Variants in RAB23 observed in about 807,000 individuals in gnomAD.
RAB23 encodes the protein RAB23, member RAS oncogene family.
In RAB23, 15 loss-of-function variants were observed where a neutral mutation model predicts 30.0. The ratio of observed to expected loss-of-function variants is 0.50; its 90% CI spans 0.33 to 0.77. RAB23 has a LOEUF of 0.77. RAB23 is among the 30% of genes least tolerant of loss of function. RAB23 has a pLI of 0.02. For synonymous variants in RAB23, 93 were observed against 94.0 expected, an observed-to-expected ratio of 0.99 and a Z score of 0.06; for missense variants, 243 against 275.4, an observed-to-expected ratio of 0.88 and a Z score of 0.83.
chr6:57,190,650 C>T (rs1654986093), intron 6 of RAB23, 50 bp from the exon 7 acceptor site: 2 of 1,580,816 alleles, frequency 1.3e-6, no homozygotes, highest in African/African-American at 2.7e-5. Flanking sequence ...GCCTGAGTTA[C>T]CTGTTGCATC....
At chr6:57,201,229 C>T (rs1210206753) in intron 3 of RAB23, among the ~76,000 whole-genome samples, 1 of 152,002 alleles carries the variant, frequency 6.6e-6, no homozygotes, top group Non-Finnish European at 1.5e-5. Flanking sequence ...TACAGGCGCC[C>T]ACCACCATGC....
intron 4 of RAB23, among the ~76,000 whole-genome samples, chr6:57,196,196 A>C (rs577202043): frequency 6.6e-6 from 1 of 152,332 alleles, no homozygotes; most frequent in African/African-American, 2.4e-5. Context: ...AAGACCTGAG[A>C]TTAGAATTCT....
rs1274773590 is a variant in RAB23 at position 57,188,471 on chromosome 6, T to G, written c.*1990A>C. The G allele has an allele frequency of 2.0e-5, 3 of 152,294 alleles. No homozygotes were observed. The highest frequency in any genetic ancestry group is 4.8e-5 in the African/African-American group (2 of 41,566). The allele number at this position is 152,294 out of a possible 1,614,324, so 9.4% of individuals were successfully genotyped here. ...GGTAACACGCTTTTAGCCACACAGCTAACATGAAAAAGAACTAACTAGAAC... is the reference window on the plus strand; with the variant it reads ...GGTAACACGCTTTTAGCCACACAGCGAACATGAAAAAGAACTAACTAGAAC... On this transcript the variant is annotated 3_prime_UTR_variant, in exon 7 of 7. Transcript: ENST00000468148.
At chr6:57,217,781 A>G (rs1379580845) in intron 1 of RAB23, among the ~76,000 whole-genome samples, 2 of 152,214 alleles carry the variant, frequency 1.3e-5, no homozygotes, top group Non-Finnish European at 2.9e-5. Context: ...AATTGCAAAC[A>G]GAAAAACTGA....
At chr6:57,203,893 T>TA (rs918132107) in intron 3 of RAB23, among the ~76,000 whole-genome samples, 7 of 151,720 alleles carry the variant, frequency 4.6e-5, no homozygotes, top group African/African-American at 1.7e-4. Flanking sequence ...ACACAGTAAA[T>TA]AGAGTGGTAA....
Position 57,188,347 on chromosome 6 carries a change from T to G in RAB23, c.*2114A>C, listed in dbSNP as rs1241628261. On this transcript the variant is annotated 3_prime_UTR_variant, in exon 7 of 7. Transcript: ENST00000468148. ...AATTCAAATATGTAACAAAGCTCTC[T>G]CTTCAGTTCTTATTTAAAAAAAGAT... 1 of 152,160 alleles carries G rather than the reference T, an allele frequency of 6.6e-6. No individual in the cohort carries two copies. Among genetic ancestry groups the G allele is most frequent in the Non-Finnish European group, 1.5e-5 (1 of 68,004 alleles). The allele number at this position is 152,160 out of a possible 1,614,324, so 9.4% of individuals were successfully genotyped here. A position where few individuals can be genotyped will look rare whatever the true frequency, so the allele number is the denominator to read the frequency against.
intron 6 of RAB23, among the ~76,000 whole-genome samples, chr6:57,192,530 G>GA (rs1764876942): frequency 6.6e-6 from 1 of 152,158 alleles, no homozygotes; most frequent in South Asian, 2.1e-4. Flanking sequence ...CATAAGAAAG[G>GA]AAAAACTACA....
intron 1 of RAB23, among the ~76,000 whole-genome samples, chr6:57,220,889 A>T (rs899497603): frequency 6.6e-6 from 1 of 152,218 alleles, no homozygotes; most frequent in Non-Finnish European, 1.5e-5. Flanking sequence ...CTTAAAATAA[A>T]TTTAAAGAAA....
chr6:57,212,074 A>C (rs553908691), intron 1 of RAB23, among the ~76,000 whole-genome samples: 1 of 152,348 alleles, frequency 6.6e-6, no homozygotes, highest in South Asian at 2.1e-4. Flanking sequence ...TTTCACAGGA[A>C]GCCTTGGAAT....
Position 57,189,405 on chromosome 6 carries a change from G to C in RAB23, c.*1056C>G, listed in dbSNP as rs1056276502. 4 of 152,176 alleles carry C rather than the reference G, an allele frequency of 2.6e-5. No homozygotes were observed. The highest frequency in any genetic ancestry group is 9.7e-5 in the African/African-American group (4 of 41,444). The allele number at this position is 152,176 out of a possible 1,614,324, so 9.4% of individuals were successfully genotyped here. On this transcript the variant is annotated 3_prime_UTR_variant, in exon 7 of 7. Coordinates refer to ENST00000468148, the MANE Select transcript of RAB23 (RefSeq NM_016277.5). ...TTTTTGTGCACTTTAAAAATGGTTA[G>C]TGTAATCTTGTAAGTTCAAAGCTGG... is the stretch of plus-strand genomic sequence containing the variant.
chr6:57,202,728 C>A (rs1371482295), intron 3 of RAB23, among the ~76,000 whole-genome samples: 1 of 152,110 alleles, frequency 6.6e-6, no homozygotes, highest in Non-Finnish European at 1.5e-5. Flanking sequence ...TAAGACAGTA[C>A]GAAATTCCTT....
intron 1 of RAB23, among the ~76,000 whole-genome samples, chr6:57,218,853 CCAAAAAAAAAAAAAA>C (rs1055408082): frequency 2.1e-5 from 3 of 144,298 alleles, no homozygotes; most frequent in African/African-American, 7.7e-5. Context: ...GATTCTGTCT[CCAAAAAAAAAAAAAA>C]GGAAAAAAAA....
intron 3 of RAB23, among the ~76,000 whole-genome samples, chr6:57,201,457 C>A (rs938587976): frequency 6.6e-6 from 1 of 152,048 alleles, no homozygotes; most frequent in African/African-American, 2.4e-5. Flanking sequence ...GAGAAGGATA[C>A]CAAAAGGAAT....
rs370478620 is a variant in RAB23 at position 57,222,300 on chromosome 6, C to G, written c.-640G>C. The G allele has an allele frequency of 7.9e-5, 12 of 152,384 alleles. No individual in the cohort carries two copies. In the East Asian group the frequency reaches 1.7e-3, roughly 22 times the overall value. 9.4% of individuals were successfully genotyped at this position (152,384 alleles called of 1,614,324 possible). A position where few individuals can be genotyped will look rare whatever the true frequency, so the allele number is the denominator to read the frequency against. ...CCTCATCTGTGGACCCGCCGCGCTGCGGAGCATGCGCCGTGCTTCGTCTGC... is the reference window on the plus strand; with the variant it reads ...CCTCATCTGTGGACCCGCCGCGCTGGGGAGCATGCGCCGTGCTTCGTCTGC... On this transcript the variant is annotated 5_prime_UTR_variant, in exon 1 of 7. Coordinates refer to ENST00000468148, the MANE Select transcript of RAB23 (RefSeq NM_016277.5).
intron 3 of RAB23, among the ~76,000 whole-genome samples, chr6:57,204,738 A>G (rs911094014): frequency 6.6e-6 from 1 of 152,184 alleles, no homozygotes; most frequent in Admixed American, 6.5e-5. Context: ...GAATATAAAT[A>G]CAAGTTAAGA....
In RAB23 at chr6:57,190,375, G is replaced by A. The variant is rs1164805041; in HGVS notation, c.*86C>T. Reference sequence around the variant, plus strand: ...AGAGCCATTAGGAGCAAAGTCTGCTGAAAACCTTGTAACATACCATGACAG... The same window carrying A: ...AGAGCCATTAGGAGCAAAGTCTGCTAAAAACCTTGTAACATACCATGACAG... On this transcript the variant is annotated 3_prime_UTR_variant, in exon 7 of 7. Transcript: ENST00000468148. The A allele has an allele frequency of 6.6e-7, 1 of 1,522,926 alleles. No homozygotes were observed. The highest frequency in any genetic ancestry group is 1.4e-5 in the African/African-American group (1 of 72,922). The allele number at this position is 1,522,926 out of a possible 1,614,324, so 94.3% of individuals were successfully genotyped here.
rs565186059 is a variant in RAB23 at position 57,188,507 on chromosome 6, A to T, written c.*1954T>A. ...AGAACTAACTAGAACACATATAACA[A>T]GTGATTTTTCTGCCAATAAAGACAA... On this transcript the variant is annotated 3_prime_UTR_variant, in exon 7 of 7. Transcript: ENST00000468148. 6.6e-6 allele frequency: 1 copy of T among 152,270 alleles called. No individual in the cohort carries two copies. The highest frequency in any genetic ancestry group is 2.1e-4 in the South Asian group (1 of 4,826). 9.4% of individuals were successfully genotyped at this position (152,270 alleles called of 1,614,324 possible). A position where few individuals can be genotyped will look rare whatever the true frequency, so the allele number is the denominator to read the frequency against.
intron 1 of RAB23, among the ~76,000 whole-genome samples, chr6:57,211,580 A>T (rs1180606471): frequency 6.6e-6 from 1 of 152,222 alleles, no homozygotes; most frequent in African/African-American, 2.4e-5. Flanking sequence ...TAATGTCCCT[A>T]AAAAAGCACC....
At chr6:57,206,703 G>A (rs908823751) in intron 3 of RAB23, among the ~76,000 whole-genome samples, 5 of 152,184 alleles carry the variant, frequency 3.3e-5, no homozygotes, top group Admixed American at 1.3e-4. Context: ...AAGTCTTGAG[G>A]AATGTGAGTA....
Sources: gnomAD v4.1 joint callset for allele counts (sites outside exome capture counted in the v4.1 genomes callset) on GRCh38, gnomAD v4.1.1 for gene constraint, MANE v1.5 for transcripts, NCBI Gene and HGNC (gene_info 2026-07-23, HGNC 2026-07-21) for gene names.